Variants in NRXN3 observed in about 807,000 individuals in gnomAD.
NRXN3 encodes the protein neurexin III.
In NRXN3, 32 loss-of-function variants were observed where a neutral mutation model predicts 137.6. The ratio of observed to expected loss-of-function variants is 0.23; its 90% confidence interval spans 0.18 to 0.31. NRXN3 has a LOEUF of 0.31. Ranked by LOEUF, NRXN3 falls within the 10% of genes least tolerant of loss-of-function variation. The probability of loss-of-function intolerance (pLI) is 1.00; values close to 1 mark genes in which losing one functional copy is unlikely to be tolerated. For synonymous variants in NRXN3, 798 were observed against 784.5 expected (o/e 1.02, Z -0.29); for missense variants, 1,574 against 2,062.5 (o/e 0.76, Z 4.59).
At chr14:79,427,550 C>T (rs921769569) in intron 15 of NRXN3, among the ~76,000 whole-genome samples, 7 of 152,134 alleles carry the variant, frequency 4.6e-5, no homozygotes, top group Admixed American at 6.6e-5. Context: ...CAGTGGCTCA[C>T]GCCTGTAATC....
rs2067289991 is a variant in NRXN3 at position 78,243,675 on chromosome 14, C to T, written c.582C>T (p.Val194=). The T allele has an allele frequency of 3.8e-6, 6 of 1,598,406 alleles. No individual in the cohort carries two copies. In the South Asian group the frequency reaches 6.6e-5, roughly 18 times the overall value. The change falls in exon 2 of 21, where the codon GTC becomes GTT. Residue 194 remains valine (V), a synonymous_variant. Coordinates refer to ENST00000335750, the MANE Select transcript of NRXN3 (RefSeq NM_001330195.2). This position sits in a 1 kb window ranked among gnomAD's most constrained non-coding sequence, Gnocchi z 4.2. The part of the protein sequence containing the change: ...SEPRLLGSRG[V]QMDAEGPCGE... ...CTCGGCTTCTGGGGAGCCGGGGTGTCCAGATGGATGCCGAGGGACCCTGTG... is the reference window on the plus strand; with the variant it reads ...CTCGGCTTCTGGGGAGCCGGGGTGTTCAGATGGATGCCGAGGGACCCTGTG...
chr14:78,715,187 G>A (rs1336817007), intron 8 of NRXN3, 48 bp downstream of exon 8: 1 of 1,575,772 alleles, frequency 6.3e-7, no homozygotes, highest in Non-Finnish European at 8.6e-7. Context: ...TGGGGCTGAT[G>A]TGTTACAGTT....
At chr14:79,325,117 A>T (rs1348873184) in intron 15 of NRXN3, among the ~76,000 whole-genome samples, 3 of 151,886 alleles carry the variant, frequency 2.0e-5, no homozygotes, top group Admixed American at 2.0e-4. Flanking sequence ...CTCTTTTCCT[A>T]CTTTTCTTTT....
intron 18 of NRXN3, among the ~76,000 whole-genome samples, chr14:79,697,266 C>T (rs1207457084): frequency 6.6e-6 from 1 of 151,936 alleles, no homozygotes; most frequent in Non-Finnish European, 1.5e-5. Context: ...AACATTAATG[C>T]AGTAGGTATC....
chr14:79,185,373 C>T (rs990474748), intron 15 of NRXN3, among the ~76,000 whole-genome samples: 1 of 151,970 alleles, frequency 6.6e-6, no homozygotes, highest in Non-Finnish European at 1.5e-5. Flanking sequence ...CTGAAAGATA[C>T]ACATGGTGAA....
chr14:79,099,776 T>G (rs896163323), intron 15 of NRXN3, among the ~76,000 whole-genome samples: 2 of 152,188 alleles, frequency 1.3e-5, no homozygotes, highest in Admixed American at 1.3e-4. Flanking sequence ...ATCAAAATAT[T>G]GCCTGTTGGT....
chr14:78,468,046 C>T (rs1460438560), intron 4 of NRXN3, among the ~76,000 whole-genome samples: 1 of 152,110 alleles, frequency 6.6e-6, no homozygotes, highest in African/African-American at 2.4e-5. Context: ...GCCTCAGCCT[C>T]CTGAGTAGCT....
chr14:79,857,999 ACT>A (rs1339781116), intron 20 of NRXN3, among the ~76,000 whole-genome samples: 2 of 152,146 alleles, frequency 1.3e-5, no homozygotes, highest in African/African-American at 4.8e-5. Context: ...TGTTTTCTAA[ACT>A]CTGAGATGGC....
intron 15 of NRXN3, among the ~76,000 whole-genome samples, chr14:79,240,142 T>G (rs771619025): frequency 2.0e-5 from 3 of 152,174 alleles, no homozygotes; most frequent in Non-Finnish European, 4.4e-5. Flanking sequence ...ATAACATCAC[T>G]GTGTACCATA....
intron 4 of NRXN3, among the ~76,000 whole-genome samples, chr14:78,559,151 G>A (rs2096765030): frequency 6.6e-6 from 1 of 152,018 alleles, no homozygotes; most frequent in African/African-American, 2.4e-5. Flanking sequence ...TATCTTCAAT[G>A]GCCTTTCCCT....
rs2152994643 is a variant in NRXN3 at position 78,966,309 on chromosome 14, C to T, written c.2680C>T (p.His894Tyr). Residue 894 changes from histidine (H) to tyrosine (Y), a missense_variant, in exon 12 of 21, where the codon CAC becomes TAC. Around this residue, in one of 5 missense-constraint regions of NRXN3, gnomAD observed 718 missense variants for 887.6 expected, o/e 0.81. Coordinates refer to ENST00000335750, the MANE Select transcript of NRXN3 (RefSeq NM_001330195.2). The part of the protein sequence containing the change: ...LATLQAYTSM[H>Y]LFFQFKTTSP... The stretch of plus-strand genomic sequence containing the variant: ...CACTCTTCAGGCTTACACCTCCATG[C>T]ACCTCTTCTTCCAGTTCAAGACCAC... The T allele has an allele frequency of 6.2e-7, 1 of 1,614,206 alleles. No homozygotes were observed. The highest frequency in any genetic ancestry group is 1.1e-5 in the South Asian group (1 of 91,090).
chr14:79,522,458 T>C (rs530137543), intron 16 of NRXN3, among the ~76,000 whole-genome samples: 42 of 152,256 alleles, frequency 2.8e-4, no homozygotes, highest in Admixed American at 7.2e-4. Flanking sequence ...ATTTATGAAA[T>C]AATAATGGAA....
chr14:78,218,420 G>A (rs1277638160), intron 1 of NRXN3, among the ~76,000 whole-genome samples: 1 of 152,112 alleles, frequency 6.6e-6, no homozygotes, highest in African/African-American at 2.4e-5. Context: ...TCCTTACTAG[G>A]CACATTCTCT....
At position 78,516,248 on chromosome 14, in the gene NRXN3, G is replaced by C. The variant is rs17756639; in HGVS notation, c.758-128872G>C. On this transcript the variant is annotated intron_variant, in intron 4 of 20. Transcript: ENST00000335750. Reference sequence around the variant, plus strand: ...TAGTGCCCCTGGGTATTCAAAAAGCGTAAAGATTTGACTAAATTCACAGCC... The same window carrying C: ...TAGTGCCCCTGGGTATTCAAAAAGCCTAAAGATTTGACTAAATTCACAGCC... Among the ~76,000 whole-genome samples the C allele has an allele frequency of 8.6e-5, 13 of 151,200 alleles. 1 individual carries two copies. The South Asian group carries it at 2.5e-3, about 29-fold the overall frequency.
intron 15 of NRXN3, among the ~76,000 whole-genome samples, chr14:79,392,714 G>A (rs2094890491): frequency 6.6e-6 from 1 of 152,120 alleles, no homozygotes; most frequent in African/African-American, 2.4e-5. Context: ...GCTCATGCCT[G>A]TAATCCCAGC....
intron 15 of NRXN3, among the ~76,000 whole-genome samples, chr14:79,349,703 G>A: frequency 6.6e-6 from 1 of 151,982 alleles, no homozygotes; most frequent in East Asian, 1.9e-4. Flanking sequence ...TCTGTTACCT[G>A]TTTGGAAACA....
chr14:79,507,481 C>G (rs2096889478), intron 16 of NRXN3, among the ~76,000 whole-genome samples: 1 of 152,132 alleles, frequency 6.6e-6, no homozygotes, highest in Non-Finnish European at 1.5e-5. Context: ...AGTCTAGCAA[C>G]TGGGGTAAAA....
chr14:78,403,518 A>G (rs1170860161), intron 4 of NRXN3, among the ~76,000 whole-genome samples: 1 of 152,114 alleles, frequency 6.6e-6, no homozygotes, highest in East Asian at 1.9e-4. Flanking sequence ...ATCCCCTGGG[A>G]GAGGATGAGG....
chr14:78,306,579 T>C (rs908245876), intron 4 of NRXN3, among the ~76,000 whole-genome samples: 6 of 152,312 alleles, frequency 3.9e-5, no homozygotes, highest in Admixed American at 3.9e-4. Flanking sequence ...GTACATGCCA[T>C]GGTCTGTTTC....
Sources: gnomAD v4.1 joint callset for allele counts (sites outside exome capture counted in the v4.1 genomes callset) on GRCh38, gnomAD v4.1.1 for gene constraint, gnomAD v4.1.1 regional missense constraint, Gnocchi (gnomAD v3.1) non-coding constraint, MANE v1.5 for transcripts, NCBI Gene and HGNC (gene_info 2026-07-23, HGNC 2026-07-21) for gene names.